The following PRDM11 variants were observed in gnomAD, a reference collection of about 807,000 sequenced individuals.
PRDM11 encodes PR/SET domain 11, also known as PR domain-containing protein 11.
In PRDM11, 20 loss-of-function variants were observed where a neutral mutation model predicts 97.8. The ratio of observed to expected loss-of-function variants is 0.20; its 90% CI spans 0.14 to 0.30. PRDM11 has a LOEUF of 0.30. PRDM11 is among the 10% of genes least tolerant of loss of function. The probability of loss-of-function intolerance (pLI) is 1.00; values close to 1 mark genes in which losing one functional copy is unlikely to be tolerated. For missense variants in PRDM11, 1,139 were observed against 1,555.2 expected, an observed-to-expected ratio of 0.73 and a Z score of 4.50; for synonymous variants, 599 against 637.7, an observed-to-expected ratio of 0.94 and a Z score of 0.91.
At chr11:45,186,286 G>T (rs1401691145) in intron 4 of PRDM11, among the ~76,000 whole-genome samples, 2 of 107,372 alleles carry the variant, frequency 1.9e-5, no homozygotes, top group Non-Finnish European at 3.8e-5. Context: ...CTGAAATCGA[G>T]GAGATCAGAG....
intron 4 of PRDM11, among the ~76,000 whole-genome samples, chr11:45,185,117 C>T (rs542279100): frequency 2.9e-4 from 44 of 152,196 alleles, no homozygotes; most frequent in African/African-American, 9.9e-4. Flanking sequence ...AAAAGTGTCC[C>T]GTGGATTTAC....
intron 1 of PRDM11, among the ~76,000 whole-genome samples, chr11:45,119,746 A>ACC (rs1316981160): frequency 2.0e-5 from 3 of 151,630 alleles, no homozygotes; most frequent in Non-Finnish European, 2.9e-5. Flanking sequence ...TCAGTCCCTT[A>ACC]CCCCATTTTC....
At position 45,226,020 on chromosome 11, in the gene PRDM11, C is replaced by T. The variant is rs568628171; in HGVS notation, c.1395C>T (p.Pro465=). The T allele has an allele frequency of 6.7e-5, 101 of 1,507,920 alleles. No homozygotes were observed. The highest frequency in any genetic ancestry group is 4.7e-4 in the South Asian group (39 of 82,566). The allele number at this position is 1,507,920 out of a possible 1,614,324, so 93.4% of individuals were successfully genotyped here. ...CCTCAGAAAGCATGGTCTCCGGCCC[C>T]GCCATCATGGAGGATGATGACCAGG... ...PAASESMVSG[P]AIMEDDDQEV... The change falls in exon 8 of 8, where the codon CCC becomes CCT. Residue 465 remains proline (P), a synonymous_variant. Transcript: ENST00000683152.
At position 45,226,733 on chromosome 11, in the gene PRDM11, A is replaced by C. The variant is rs1282584470; in HGVS notation, c.2108A>C (p.Glu703Ala). 6.5e-7 allele frequency: 1 copy of C among 1,533,976 alleles called. No homozygotes were observed. The highest frequency in any genetic ancestry group is 8.7e-7 in the Non-Finnish European group (1 of 1,146,728). Residue 703 changes from glutamate to alanine, a missense_variant, in exon 8 of 8, where the codon GAA becomes GCA. Around this residue, in one of 2 missense-constraint regions of PRDM11, gnomAD observed 710 missense variants for 1,044.9 expected, o/e 0.68. Transcript: ENST00000683152. The part of the protein sequence containing the change: ...SLQELGFSST[E>A]SYLQALDRAF... ...CAGGAGCTGGGATTCTCTAGCACAGAAAGCTATCTCCAGGCACTTGACCGG... is the reference window on the plus strand; with the variant it reads ...CAGGAGCTGGGATTCTCTAGCACAGCAAGCTATCTCCAGGCACTTGACCGG...
At position 45,232,017 on chromosome 11, in the gene PRDM11, C is replaced by T. The variant is rs970878374; in HGVS notation, c.*3858C>T. 7 of 152,150 alleles carry T rather than the reference C, an allele frequency of 4.6e-5. No homozygotes were observed. Among genetic ancestry groups the T allele is most frequent in the African/African-American group, 1.7e-4 (7 of 41,422 alleles). 9.4% of individuals were successfully genotyped at this position (152,150 alleles called of 1,614,324 possible). A position where few individuals can be genotyped will look rare whatever the true frequency, so the allele number is the denominator to read the frequency against. ...TATGGCACTTGGGGGTCTCTGACCT[C>T]AGCCTCTGCCACATGTTTCCAAGTT... On this transcript the variant is annotated 3_prime_UTR_variant, in exon 8 of 8. Coordinates refer to ENST00000683152, the MANE Select transcript of PRDM11 (RefSeq NM_001384648.1).
rs1233881913 is a variant in PRDM11, at chr11:45,101,568, AAGAAG to A, written c.96+5669_96+5673del. On this transcript the variant is annotated intron_variant, in intron 1 of 6. Coordinates refer to the PRDM11 transcript ENST00000530656. ...AACACTCTGTCTCAAAAAAAAAAAA[AAGAAG>A]AAGAAGAAGAAGAAGAAGAAGAAGA... Among the ~76,000 whole-genome samples the A allele has an allele frequency of 1.4e-4, 9 of 63,732 alleles. 1 individual carries two copies. The highest frequency in any genetic ancestry group is 3.6e-4 in the African/African-American group (4 of 11,234). The allele number at this position is 63,732 out of a possible 152,430, so 41.8% of individuals were successfully genotyped here.
chr11:45,123,558 C>T (rs1310801339), intron 1 of PRDM11, among the ~76,000 whole-genome samples: 2 of 152,146 alleles, frequency 1.3e-5, no homozygotes, highest in Non-Finnish European at 1.5e-5. Context: ...CAGCTTTCTA[C>T]ATATGGCTAG....
intron 1 of PRDM11, among the ~76,000 whole-genome samples, chr11:45,136,780 C>T (rs546609032): frequency 6.6e-6 from 1 of 152,146 alleles, no homozygotes; most frequent in East Asian, 1.9e-4. Flanking sequence ...TTTCCTAGAG[C>T]GATGGTCATA....
chr11:45,100,393 T>C (rs1209185543), intron 1 of PRDM11, among the ~76,000 whole-genome samples: 1 of 152,234 alleles, frequency 6.6e-6, no homozygotes, highest in Non-Finnish European at 1.5e-5. Flanking sequence ...AAGAAACTCA[T>C]GCTCAGCCTT....
chr11:45,186,293 A>G (rs1315285826), intron 4 of PRDM11, among the ~76,000 whole-genome samples: 1 of 151,962 alleles, frequency 6.6e-6, no homozygotes, highest in Admixed American at 6.6e-5. Flanking sequence ...CGAGGAGATC[A>G]GAGAAGGTGA....
At chr11:45,135,545 T>C (rs1408231494) in intron 1 of PRDM11, among the ~76,000 whole-genome samples, 3 of 152,092 alleles carry the variant, frequency 2.0e-5, no homozygotes, top group East Asian at 1.9e-4. Context: ...ATAAATGTAG[T>C]TGAAAAAGAT....
At chr11:45,179,042 G>T (rs569229130) in intron 1 of PRDM11, among the ~76,000 whole-genome samples, 15 of 152,334 alleles carry the variant, frequency 9.8e-5, no homozygotes, top group African/African-American at 3.6e-4. Flanking sequence ...CTGAAGTCTG[G>T]ATAGGAGTTC....
At chr11:45,105,207 C>A (rs796067893) in intron 1 of PRDM11, among the ~76,000 whole-genome samples, 26 of 152,210 alleles carry the variant, frequency 1.7e-4, no homozygotes, top group African/African-American at 5.6e-4. Context: ...GCACTAATCC[C>A]AGTCAACTGT....
At chr11:45,210,081 C>T (rs1256089319) in intron 5 of PRDM11, among the ~76,000 whole-genome samples, 4 of 152,122 alleles carry the variant, frequency 2.6e-5, no homozygotes, top group Admixed American at 6.5e-5. Context: ...GGGCTGGAGA[C>T]GAGGCGGCCA....
intron 1 of PRDM11, among the ~76,000 whole-genome samples, chr11:45,155,605 T>A (rs1291352001): frequency 6.7e-6 from 1 of 150,270 alleles, no homozygotes; most frequent in Non-Finnish European, 1.5e-5. Flanking sequence ...CCAGAGGGGG[T>A]TTGCATTTGG....
chr11:45,155,455 G>A lies in PRDM11; in HGVS notation c.-7+8578G>A, dbSNP rs563561292. Among the ~76,000 whole-genome samples the A allele has an allele frequency of 2.6e-5, 4 of 152,322 alleles. No homozygotes were observed. In the East Asian group the frequency reaches 5.8e-4, roughly 22 times the overall value. On this transcript the variant is annotated intron_variant, in intron 1 of 7. Transcript: ENST00000683152. ...GGTACAGAGAGGGCGGGCTCTGGGG[G>A]TTGCCGGGAGGTGGTTGGCTGGGGC...
chr11:45,119,047 T>C (rs1590350539), intron 1 of PRDM11, among the ~76,000 whole-genome samples: 1 of 152,170 alleles, frequency 6.6e-6, no homozygotes, highest in African/African-American at 2.4e-5. Context: ...CAATGATTTA[T>C]AACCTAAAAG....
At chr11:45,184,920 A>AG in intron 4 of PRDM11, among the ~76,000 whole-genome samples, 1 of 152,080 alleles carries the variant, frequency 6.6e-6, no homozygotes, top group South Asian at 2.1e-4. Flanking sequence ...GCTTTGAGGG[A>AG]CTTTAGCAGT....
chr11:45,219,039 G>A lies in PRDM11; in HGVS notation c.555-531G>A, dbSNP rs144794431. 6.6e-6 allele frequency among the ~76,000 whole-genome samples: 1 copy of A among 152,240 alleles called. No individual in the cohort carries two copies. Among genetic ancestry groups the A allele is most frequent in the Non-Finnish European group, 1.5e-5 (1 of 68,004 alleles). On this transcript the variant is annotated intron_variant, in intron 5 of 7. Transcript: ENST00000683152. The surrounding 1 kb of genome is among the most constrained non-coding windows in gnomAD (Gnocchi z 4.2). The stretch of plus-strand genomic sequence containing the variant: ...ACCTTCCTCCCCTGTCCCCACTGGA[G>A]CCCCCATTTTTTAAAAGATTTTGAT...
Sources: gnomAD v4.1 joint callset for allele counts (sites outside exome capture counted in the v4.1 genomes callset) on GRCh38, gnomAD v4.1.1 for gene constraint, gnomAD v4.1.1 regional missense constraint, Gnocchi (gnomAD v3.1) non-coding constraint, MANE v1.5 for transcripts, NCBI Gene and HGNC (gene_info 2026-07-23, HGNC 2026-07-21) for gene names.